Variants in IPO8 observed in about 807,000 individuals in gnomAD.
IPO8 encodes the protein importin 8, also known as importin-8.
IPO8 carries 65 observed loss-of-function variants against 141.2 expected under a neutral mutation model. The ratio of observed to expected loss-of-function variants is 0.46; its 90% CI spans 0.38 to 0.57. The LOEUF is 0.57. Among genes scored for constraint, IPO8 ranks in the 20% least tolerant of loss-of-function variants. The pLI is 0.00. For missense variants in IPO8, 980 were observed against 1,246.8 expected (o/e 0.79, Z 3.22); for synonymous variants, 411 against 420.3 (o/e 0.98, Z 0.27).
At chr12:30,691,414 G>A (rs1448750328) in intron 1 of IPO8, among the ~76,000 whole-genome samples, 1 of 152,136 alleles carries the variant, frequency 6.6e-6, no homozygotes, top group Non-Finnish European at 1.5e-5. Context: ...CCTGTGGCCT[G>A]GGTCACTTCA....
rs1229471517 is a variant in IPO8 at position 30,629,898 on chromosome 12, A to T, written c.*962T>A. On this transcript the variant is annotated 3_prime_UTR_variant, in exon 25 of 25. Coordinates refer to ENST00000256079, the MANE Select transcript of IPO8 (RefSeq NM_006390.4). Reference sequence around the variant, plus strand: ...AAAATGCTTTGGACCCTAGTCCAACATAGCTGGAATGATAAGTTATTTAAA... The same window carrying T: ...AAAATGCTTTGGACCCTAGTCCAACTTAGCTGGAATGATAAGTTATTTAAA... 6.6e-6 allele frequency: 1 copy of T among 152,236 alleles called. No homozygotes were observed. Among genetic ancestry groups the T allele is most frequent in the Non-Finnish European group, 1.5e-5 (1 of 68,040 alleles). The allele number at this position is 152,236 out of a possible 1,614,324, so 9.4% of individuals were successfully genotyped here. A position where few individuals can be genotyped will look rare whatever the true frequency, so the allele number is the denominator to read the frequency against.
At chr12:30,637,219 C>G in intron 21 of IPO8, 32 bp from the exon 22 acceptor site, 1 of 1,513,016 alleles carries the variant, frequency 6.6e-7, no homozygotes, top group Non-Finnish European at 9.2e-7. Context: ...AAAATGTAGA[C>G]ATGAGAAGTG....
At chr12:30,692,047 C>T (rs1193503458) in intron 1 of IPO8, among the ~76,000 whole-genome samples, 2 of 152,172 alleles carry the variant, frequency 1.3e-5, no homozygotes, top group Non-Finnish European at 2.9e-5. Context: ...AAAATTAACA[C>T]AGATTCACCC....
At chr12:30,655,634 G>A (rs2052788901) in intron 17 of IPO8, among the ~76,000 whole-genome samples, 2 of 152,084 alleles carry the variant, frequency 1.3e-5, no homozygotes, top group African/African-American at 4.8e-5. Flanking sequence ...ATTTCACTTA[G>A]CATAATGTAC....
At chr12:30,631,840 C>T in intron 24 of IPO8, 55 bp downstream of exon 24, 1 of 1,151,688 alleles carries the variant, frequency 8.7e-7, no homozygotes. Context: ...TCAAATAAGG[C>T]TGTCTGTTGG....
In IPO8 at chr12:30,684,294, C is replaced by T. The variant is rs746118509; in HGVS notation, c.323+7G>A. 12 of 1,612,994 alleles carry T rather than the reference C, an allele frequency of 7.4e-6. No individual in the cohort carries two copies. The South Asian group carries it at 1.2e-4, about 16-fold the overall frequency. On this transcript the variant is annotated splice_region_variant and intron_variant, in intron 3 of 24. Transcript: ENST00000256079. Reference sequence around the variant, plus strand: ...TCTAGTAATCACAAATATATAGCACCACATACCTCACTAAATCTGGAGACC... The same window carrying T: ...TCTAGTAATCACAAATATATAGCACTACATACCTCACTAAATCTGGAGACC...
intron 9 of IPO8, 70 bp from the exon 10 acceptor site, chr12:30,669,352 T>C: frequency 1.5e-6 from 1 of 668,006 alleles, no homozygotes; most frequent in South Asian, 2.1e-5. Context: ...ATACTAATAA[T>C]GTACTTGTTG....
At chr12:30,688,393 T>C (rs1327413608) in intron 2 of IPO8, 2 of 436,852 alleles carry the variant, frequency 4.6e-6, no homozygotes, top group Non-Finnish European at 9.1e-6. Flanking sequence ...AAGAACACTT[T>C]AGATTGCCCA....
intron 23 of IPO8, among the ~76,000 whole-genome samples, chr12:30,632,837 G>C (rs2052451516): frequency 6.6e-6 from 1 of 152,278 alleles, no homozygotes; most frequent in African/African-American, 2.4e-5. Flanking sequence ...TATTCCAATG[G>C]GCAATGGGAT....
chr12:30,694,867 G>C (rs1365504870), intron 1 of IPO8: 61 of 392,708 alleles, frequency 1.6e-4, no homozygotes, highest in Non-Finnish European at 1.0e-5. Context: ...TTGAAGTGTG[G>C]GGGTAACGCT....
At chr12:30,664,803 G>A (rs1054064646) in intron 13 of IPO8, among the ~76,000 whole-genome samples, 1 of 151,946 alleles carries the variant, frequency 6.6e-6, no homozygotes, top group African/African-American at 2.4e-5. Flanking sequence ...GCAGTGGCAC[G>A]ATCTCAGCTC....
intron 17 of IPO8, 52 bp from the exon 18 acceptor site, chr12:30,653,144 A>G (rs781436133): frequency 6.5e-7 from 1 of 1,549,580 alleles, no homozygotes; most frequent in Non-Finnish European, 8.8e-7. Context: ...CAAAAGTTAA[A>G]ACAAAGACCA....
At chr12:30,694,840 T>C in intron 1 of IPO8, 1 of 361,216 alleles carries the variant, frequency 2.8e-6, no homozygotes, top group Non-Finnish European at 5.5e-6. Flanking sequence ...AAGCTGGAGT[T>C]TGGGATCATT....
chr12:30,680,288 T>A (rs1545175), intron 5 of IPO8, 194 bp downstream of exon 5: 253,926 of 474,068 alleles, frequency 0.54, 70,832 homozygotes, highest in African/African-American at 0.77. Context: ...TGAAAAGCAC[T>A]TAGGGGCAGA....
intron 20 of IPO8, among the ~76,000 whole-genome samples, chr12:30,644,185 T>C (rs781048932): frequency 1.5e-4 from 23 of 151,840 alleles, no homozygotes; most frequent in Non-Finnish European, 2.5e-4. Flanking sequence ...CAAAACCACA[T>C]AGTGAGACCT....
At chr12:30,663,707 A>G in intron 13 of IPO8, 53 bp from the exon 14 acceptor site, 5 of 1,320,818 alleles carry the variant, frequency 3.8e-6, no homozygotes, top group African/African-American at 1.5e-5. Context: ...AGCATTCTGT[A>G]ATAATATCAC....
intron 14 of IPO8, among the ~76,000 whole-genome samples, chr12:30,663,043 G>C (rs574532028): frequency 6.6e-6 from 1 of 152,296 alleles, no homozygotes; most frequent in Non-Finnish European, 1.5e-5. Flanking sequence ...GAACAAATGA[G>C]ACGTCTGTTA....
intron 23 of IPO8, among the ~76,000 whole-genome samples, chr12:30,632,902 T>C (rs1286713277): frequency 1.3e-5 from 2 of 152,224 alleles, no homozygotes; most frequent in Non-Finnish European, 2.9e-5. Flanking sequence ...ACTGCGTTCC[T>C]TCACAGTCTT....
intron 5 of IPO8, 71 bp from the exon 6 acceptor site, chr12:30,676,658 G>T: frequency 9.4e-7 from 1 of 1,062,650 alleles, no homozygotes; most frequent in Non-Finnish European, 1.5e-6. Context: ...TATCTATATT[G>T]TAAGGCTAAA....
Sources: allele counts gnomAD v4.1 joint callset (sites outside exome capture counted in the v4.1 genomes callset), GRCh38; gene constraint gnomAD v4.1.1; transcripts MANE v1.5; gene names NCBI Gene and HGNC (gene_info 2026-07-23, HGNC 2026-07-21).